Variants in MAF observed in about 807,000 individuals in gnomAD.
MAF encodes transcription factor Maf.
A neutral mutation model predicts 22.0 loss-of-function variants in MAF; 10 were observed. That is an observed-to-expected ratio of 0.45 (90% CI 0.28 to 0.77). MAF has a LOEUF of 0.77. MAF is among the 30% of genes least tolerant of loss of function. The pLI is 0.12. For missense variants in MAF, 544 were observed against 548.4 expected (o/e 0.99, Z 0.08); for synonymous variants, 337 against 255.8 (o/e 1.32, Z -3.03).
the MAF span, among the ~76,000 whole-genome samples, chr16:79,309,797 G>A: frequency 6.6e-6 from 1 of 152,178 alleles, no homozygotes; most frequent in African/African-American, 2.4e-5. Flanking sequence ...AACAAAACCG[G>A]AAGAGCAAAT....
the MAF span, among the ~76,000 whole-genome samples, chr16:79,486,258 T>C: frequency 7.2e-4 from 109 of 152,256 alleles, no homozygotes; most frequent in Non-Finnish European, 6.8e-4. Flanking sequence ...TCCAAATTAG[T>C]AGCTGCAGAA....
At chr16:79,206,506 G>A in the MAF span, 1 of 152,188 alleles carries the variant, frequency 6.6e-6, no homozygotes, top group African/African-American at 2.4e-5. Flanking sequence ...GTGAGGGTTA[G>A]GCAACAATGC....
chr16:79,279,776 T>C, the MAF span, among the ~76,000 whole-genome samples: 56 of 152,166 alleles, frequency 3.7e-4, no homozygotes, highest in African/African-American at 1.2e-3. Flanking sequence ...TGCTTCTTTT[T>C]TTTTCTTTTA....
the MAF span, among the ~76,000 whole-genome samples, chr16:79,275,103 C>G: frequency 6.6e-6 from 1 of 152,186 alleles, no homozygotes; most frequent in Non-Finnish European, 1.5e-5. Flanking sequence ...GGCCTGTAAT[C>G]CCAGCACTTT....
At chr16:79,429,330 C>T in the MAF span, among the ~76,000 whole-genome samples, 70 of 152,310 alleles carry the variant, frequency 4.6e-4, no homozygotes, top group African/African-American at 1.7e-3. Context: ...GGGCTGCAGA[C>T]ACAAAGCAGA....
the MAF span, among the ~76,000 whole-genome samples, chr16:79,428,516 G>C: frequency 6.6e-6 from 1 of 152,138 alleles, no homozygotes; most frequent in Non-Finnish European, 1.5e-5. Flanking sequence ...GAGACAGAGA[G>C]AGAGAAAGAG....
the MAF span, among the ~76,000 whole-genome samples, chr16:79,299,547 T>G: frequency 6.6e-6 from 1 of 151,996 alleles, no homozygotes; most frequent in Non-Finnish European, 1.5e-5. Flanking sequence ...GACGGTTACT[T>G]TTTTTTCAGA....
At chr16:79,403,667 C>T in the MAF span, among the ~76,000 whole-genome samples, 1 of 152,200 alleles carries the variant, frequency 6.6e-6, no homozygotes, top group Non-Finnish European at 1.5e-5. Context: ...GCAAGGCTCA[C>T]ACCATGGTGA....
chr16:79,245,334 T>A, the MAF span, among the ~76,000 whole-genome samples: 1 of 152,108 alleles, frequency 6.6e-6, no homozygotes, highest in Admixed American at 6.6e-5. Flanking sequence ...AAAGGGCTAA[T>A]ACCTGGAATC....
chr16:79,488,552 C>G, the MAF span, among the ~76,000 whole-genome samples: 1 of 152,110 alleles, frequency 6.6e-6, no homozygotes, highest in Non-Finnish European at 1.5e-5. Context: ...AGGAACGGGT[C>G]GAACATGCTA....
At chr16:79,537,894 C>T in the MAF span, among the ~76,000 whole-genome samples, 1 of 152,170 alleles carries the variant, frequency 6.6e-6, no homozygotes, top group African/African-American at 2.4e-5. Flanking sequence ...GATGTAGGTT[C>T]TCATGGTATG....
chr16:79,517,475 C>T, the MAF span, among the ~76,000 whole-genome samples: 12 of 151,690 alleles, frequency 7.9e-5, no homozygotes, highest in African/African-American at 2.9e-4. Flanking sequence ...AAATAAAGTT[C>T]AAATAAGTGA....
the MAF span, chr16:79,205,422 G>A: frequency 5.3e-4 from 81 of 152,272 alleles, no homozygotes; most frequent in African/African-American, 1.9e-3. Flanking sequence ...TTTCCTTGTG[G>A]CAAAAGATCA....
At chr16:79,585,697 T>C, downstream of MAF, 1 of 544,440 alleles carries the variant, frequency 1.8e-6, no homozygotes, top group Non-Finnish European at 3.2e-6. Flanking sequence ...TGGCACCTAG[T>C]GTCACCATTT....
At chr16:79,344,950 A>G in the MAF span, among the ~76,000 whole-genome samples, 2 of 152,194 alleles carry the variant, frequency 1.3e-5, no homozygotes, top group Non-Finnish European at 2.9e-5. Context: ...AAAAGAAGGA[A>G]TATTCTCCAC....
At chr16:79,372,618 G>C in the MAF span, among the ~76,000 whole-genome samples, 3 of 152,202 alleles carry the variant, frequency 2.0e-5, no homozygotes, top group African/African-American at 7.2e-5. Flanking sequence ...ACTTCAACGA[G>C]GCAGGCTGCG....
the MAF span, among the ~76,000 whole-genome samples, chr16:79,348,229 G>A: frequency 1.3e-5 from 2 of 152,200 alleles, no homozygotes; most frequent in Admixed American, 6.5e-5. Context: ...ACTTTGGAGA[G>A]CCTTGAAGCT....
the MAF span, among the ~76,000 whole-genome samples, chr16:79,447,586 T>A: frequency 5.9e-5 from 9 of 152,124 alleles, no homozygotes; most frequent in Admixed American, 6.5e-5. Flanking sequence ...GCAAAGTAAA[T>A]TGAAAACCTT....
the MAF span, among the ~76,000 whole-genome samples, chr16:79,211,424 C>T: frequency 2.2e-4 from 33 of 152,250 alleles, no homozygotes; most frequent in South Asian, 1.2e-3. Context: ...CTCGTTTTTC[C>T]AGGATAGTCA....
Sources: allele counts gnomAD v4.1 joint callset (sites outside exome capture counted in the v4.1 genomes callset), GRCh38; gene constraint gnomAD v4.1.1; transcripts MANE v1.5; gene names NCBI Gene and HGNC (gene_info 2026-07-23, HGNC 2026-07-21).